Variants in SLC25A30 observed in about 807,000 individuals in gnomAD.
SLC25A30 encodes solute carrier family 25 member 30, also known as kidney mitochondrial carrier protein 1.
A neutral mutation model predicts 42.7 loss-of-function variants in SLC25A30; 29 were observed. The ratio of observed to expected loss-of-function variants is 0.68; its 90% CI spans 0.51 to 0.93. The LOEUF (loss-of-function observed/expected upper bound fraction) is 0.93. Ranked by LOEUF, SLC25A30 falls within the 40% of genes least tolerant of loss-of-function variation. The pLI is 0.00. For missense variants in SLC25A30, 300 were observed against 359.7 expected, an observed-to-expected ratio of 0.83 and a Z score of 1.34; for synonymous variants, 124 against 131.0, an observed-to-expected ratio of 0.95 and a Z score of 0.37.
In SLC25A30 at chr13:45,403,944, A is replaced by C. The variant is rs556861693; in HGVS notation, c.393+383T>G. Among the ~76,000 whole-genome samples, 13 of 152,208 alleles carry C rather than the reference A, an allele frequency of 8.5e-5. No individual in the cohort carries two copies. In the South Asian group the frequency reaches 2.5e-3, roughly 29 times the overall value. On this transcript the variant is annotated intron_variant, in intron 5 of 9. Coordinates refer to ENST00000519676, the MANE Select transcript of SLC25A30 (RefSeq NM_001010875.4). ...AGAGTGAGACTCCATCTCAAAAAAA[A>C]AAAAAAAAAAGATGGATTCAAAAAT...
At chr13:45,406,088 ATTT>A in intron 3 of SLC25A30, 111 bp from the exon 4 acceptor site, 1 of 724,720 alleles carries the variant, frequency 1.4e-6, no homozygotes, top group East Asian at 3.4e-5. Flanking sequence ...CTCTAAAACA[ATTT>A]TTTTTTTTTG....
At chr13:45,404,866 G>C (rs1044490881) in intron 4 of SLC25A30, among the ~76,000 whole-genome samples, 8 of 152,168 alleles carry the variant, frequency 5.3e-5, no homozygotes, top group African/African-American at 1.7e-4. Flanking sequence ...AAAAGGATTA[G>C]AAATTTCACT....
At chr13:45,410,705 G>C (rs767644486) in intron 2 of SLC25A30, among the ~76,000 whole-genome samples, 2 of 152,108 alleles carry the variant, frequency 1.3e-5, no homozygotes, top group Non-Finnish European at 2.9e-5. Context: ...TCACCTACTT[G>C]GGAGACCCGG....
At chr13:45,426,583 G>C in the SLC25A30 span, among the ~76,000 whole-genome samples, 49 of 152,076 alleles carry the variant, frequency 3.2e-4, no homozygotes, top group African/African-American at 1.0e-3. Flanking sequence ...GTGCCTTATC[G>C]TTTCCTGAGC....
upstream of SLC25A30, chr13:45,420,220 C>T (rs1883855503): frequency 6.6e-6 from 1 of 152,208 alleles, no homozygotes; most frequent in African/African-American, 2.4e-5. Context: ...GGCCATCTCT[C>T]TCTCATTTCC....
chr13:45,398,138 G>T, intron 8 of SLC25A30: 1 of 748,054 alleles, frequency 1.3e-6, no homozygotes, highest in African/African-American at 1.9e-5. Context: ...CCATAAAAAA[G>T]AAATCACGTT....
the SLC25A30 span, among the ~76,000 whole-genome samples, chr13:45,429,227 C>T: frequency 6.6e-6 from 1 of 151,582 alleles, no homozygotes; most frequent in African/African-American, 2.4e-5. Flanking sequence ...TGTCACCACA[C>T]CTGGCTAATT....
At chr13:45,411,892 G>T (rs1334552936) in intron 1 of SLC25A30, 1 of 156,982 alleles carries the variant, frequency 6.4e-6, no homozygotes, top group Non-Finnish European at 1.4e-5. Flanking sequence ...TAGGAGAATT[G>T]TTTCAACCCA....
chr13:45,406,230 C>A (rs1306249345), intron 3 of SLC25A30, among the ~76,000 whole-genome samples: 1 of 152,056 alleles, frequency 6.6e-6, no homozygotes, highest in Non-Finnish European at 1.5e-5. Context: ...ATACGGGCAC[C>A]CGCCACCACA....
intron 5 of SLC25A30, 132 bp from the exon 6 acceptor site, chr13:45,402,502 A>T: frequency 1.4e-6 from 1 of 730,286 alleles, no homozygotes. Flanking sequence ...ACTGTCATAT[A>T]AATACTGCTA....
chr13:45,397,765 G>T, intron 8 of SLC25A30: 1 of 289,196 alleles, frequency 3.5e-6, no homozygotes, highest in Non-Finnish European at 5.2e-6. Context: ...TGTTTGGAAG[G>T]ACTGCCTAAG....
At chr13:45,401,364 G>A (rs932956062) in intron 6 of SLC25A30, among the ~76,000 whole-genome samples, 157 bp from the exon 7 acceptor site, 2 of 152,208 alleles carry the variant, frequency 1.3e-5, no homozygotes, top group African/African-American at 2.4e-5. Context: ...AAAGATCACA[G>A]AGCAAGAACT....
At chr13:45,396,994 C>A (rs2137619483) in intron 9 of SLC25A30, 1 of 379,632 alleles carries the variant, frequency 2.6e-6, no homozygotes, top group East Asian at 5.6e-5. Context: ...CGTAAATACC[C>A]TCAGCTTCTA....
chr13:45,410,351 C>T (rs141910537), intron 2 of SLC25A30, among the ~76,000 whole-genome samples: 2 of 152,292 alleles, frequency 1.3e-5, no homozygotes, highest in East Asian at 1.9e-4. Context: ...ACAAGGAAAA[C>T]GGACAGACAC....
chr13:45,411,579 C>T (rs895544347), intron 1 of SLC25A30, 99 bp from the exon 2 acceptor site: 1 of 719,108 alleles, frequency 1.4e-6, no homozygotes, highest in Non-Finnish European at 2.4e-6. Flanking sequence ...AGTGCTATCA[C>T]CAAAACCCCT....
At chr13:45,396,895 A>G (rs915551047) in intron 9 of SLC25A30, 6 of 192,348 alleles carry the variant, frequency 3.1e-5, no homozygotes, top group African/African-American at 1.4e-4. Context: ...ACTTTCTAAG[A>G]TAAGCATTCT....
rs1284876452 is a variant in SLC25A30, at chr13:45,416,114, A to T, written c.-56+2186T>A. On this transcript the variant is annotated intron_variant, in intron 1 of 9. Transcript: ENST00000519676. The stretch of plus-strand genomic sequence containing the variant: ...CGCCCGGTCCAAATTTTTTAAAGTT[A>T]AAAACAAAACAGGCCGGGCACGGTG... Among the ~76,000 whole-genome samples the T allele has an allele frequency of 4.0e-5, 6 of 151,564 alleles. No homozygotes were observed. The East Asian group carries it at 1.0e-3, about 25-fold the overall frequency.
chr13:45,430,991 C>T, the SLC25A30 span, among the ~76,000 whole-genome samples: 1 of 152,000 alleles, frequency 6.6e-6, no homozygotes, highest in Non-Finnish European at 1.5e-5. Context: ...ACCCAATGGT[C>T]CCACCTAGTT....
At chr13:45,430,403 T>C in the SLC25A30 span, among the ~76,000 whole-genome samples, 4 of 152,066 alleles carry the variant, frequency 2.6e-5, no homozygotes, top group African/African-American at 9.7e-5. Flanking sequence ...AAGAAGCAAC[T>C]GAAAGAGTTT....
Sources: allele counts gnomAD v4.1 joint callset (sites outside exome capture counted in the v4.1 genomes callset), GRCh38; gene constraint gnomAD v4.1.1; transcripts MANE v1.5; gene names NCBI Gene and HGNC (gene_info 2026-07-23, HGNC 2026-07-21).